Variants in LRRC3B observed in about 807,000 individuals in gnomAD.
LRRC3B encodes the protein leucine-rich repeat-containing protein 3B.
A neutral mutation model predicts 12.8 loss-of-function variants in LRRC3B; 2 were observed. The observed-to-expected ratio is 0.16, with a 90% CI of 0.06 to 0.49. LRRC3B has a LOEUF of 0.49. LRRC3B is among the 20% of genes least tolerant of loss of function. The pLI is 0.96. For synonymous variants in LRRC3B, 132 were observed against 122.0 expected (o/e 1.08, Z -0.54); for missense variants, 189 against 319.4 (o/e 0.59, Z 3.11).
At chr3:26,659,839 G>A (rs1297070511) in intron 1 of LRRC3B, among the ~76,000 whole-genome samples, 1 of 152,182 alleles carries the variant, frequency 6.6e-6, no homozygotes, top group African/African-American at 2.4e-5. Context: ...TCTCTGAAGT[G>A]TTAGCCCATC....
At chr3:26,651,564 T>A (rs142036106) in intron 1 of LRRC3B, among the ~76,000 whole-genome samples, 1 of 152,314 alleles carries the variant, frequency 6.6e-6, no homozygotes, top group Non-Finnish European at 1.5e-5. Flanking sequence ...TGAGACAATC[T>A]GGCATAAAGT....
chr3:26,623,299 T>G (rs1293466953), intron 1 of LRRC3B, 62 bp downstream of exon 1: 2 of 152,386 alleles, frequency 1.3e-5, no homozygotes, highest in Non-Finnish European at 2.9e-5. Context: ...CCCGGGTACC[T>G]AGGCCGTCCC....
rs9331540 is a variant in LRRC3B, at chr3:26,671,413, G to GAGAGAGAGAGAC, written c.-160-38099_-160-38098insGAGAGAGAGACA. Among the ~76,000 whole-genome samples the GAGAGAGAGAGAC allele has an allele frequency of 8.2e-3, 816 of 99,172 alleles. 81 individuals are homozygous for GAGAGAGAGAGAC. Among genetic ancestry groups the GAGAGAGAGAGAC allele is most frequent in the South Asian group, 0.011 (32 of 3,030 alleles). The allele number at this position is 99,172 out of a possible 152,430, so 65.1% of individuals were successfully genotyped here. A position where few individuals can be genotyped will look rare whatever the true frequency, so the allele number is the denominator to read the frequency against. On this transcript the variant is annotated intron_variant, in intron 1 of 1. Coordinates refer to ENST00000396641, the Ensembl canonical transcript of LRRC3B. ...AGAGAGAGAGAGAGAGAGAGAGAGA[G>GAGAGAGAGAGAC]ACGAAGTCTTGCTCTGTCGCCAGGC...
intron 1 of LRRC3B, among the ~76,000 whole-genome samples, chr3:26,651,019 T>C (rs1383541972): frequency 2.0e-5 from 3 of 152,236 alleles, no homozygotes; most frequent in Non-Finnish European, 4.4e-5. Context: ...TCCACACTTG[T>C]GGTGTTTATA....
chr3:26,685,512 T>TCC (rs1700061684), intron 1 of LRRC3B, among the ~76,000 whole-genome samples: 1 of 52,418 alleles, frequency 1.9e-5, no homozygotes, highest in Non-Finnish European at 3.7e-5. Flanking sequence ...TCTCTCTCTC[T>TCC]CTCTCTCTCT....
intron 1 of LRRC3B, among the ~76,000 whole-genome samples, chr3:26,637,737 A>G (rs1575116154): frequency 6.6e-6 from 1 of 152,126 alleles, no homozygotes; most frequent in African/African-American, 2.4e-5. Flanking sequence ...TTTAAATTTA[A>G]AAAAGTACAT....
chr3:26,668,615 G>A (rs1026759396), intron 1 of LRRC3B, among the ~76,000 whole-genome samples: 1 of 152,152 alleles, frequency 6.6e-6, no homozygotes, highest in African/African-American at 2.4e-5. Context: ...GACTGCTAAA[G>A]CCTTTTTAAT....
At chr3:26,678,892 TA>T (rs201287514) in intron 1 of LRRC3B, among the ~76,000 whole-genome samples, 33 of 151,496 alleles carry the variant, frequency 2.2e-4, no homozygotes, top group South Asian at 1.0e-3. Flanking sequence ...CTTTCTCATT[TA>T]AAAAAAAAGT....
intron 1 of LRRC3B, among the ~76,000 whole-genome samples, chr3:26,686,432 C>T (rs1309850121): frequency 6.6e-6 from 1 of 152,146 alleles, no homozygotes; most frequent in Non-Finnish European, 1.5e-5. Flanking sequence ...TTCAACACTG[C>T]TTCTTTATAT....
intron 1 of LRRC3B, among the ~76,000 whole-genome samples, chr3:26,639,858 T>TC (rs553916057): frequency 1.1e-4 from 16 of 152,254 alleles, no homozygotes; most frequent in Non-Finnish European, 1.6e-4. Context: ...GTGTGACCCT[T>TC]CCCAAAGGCC....
In LRRC3B at chr3:26,680,649, T is replaced by C. The variant is rs138501204; in HGVS notation, c.-160-28864T>C. On this transcript the variant is annotated intron_variant, in intron 1 of 1. Coordinates refer to ENST00000396641, the Ensembl canonical transcript of LRRC3B. ...GTATTGTCCAAACAAACAATTGACT[T>C]CCCATATCTTCACACAGAATATCAT... 3.9e-4 allele frequency among the ~76,000 whole-genome samples: 59 copies of C among 152,310 alleles called. No homozygotes were observed. The East Asian group carries it at 9.7e-3, about 25-fold the overall frequency.
intron 1 of LRRC3B, among the ~76,000 whole-genome samples, chr3:26,641,235 C>A (rs1431846294): frequency 6.6e-6 from 1 of 152,094 alleles, no homozygotes; most frequent in Non-Finnish European, 1.5e-5. Flanking sequence ...GACCTGTGCC[C>A]CAGTAGCATA....
intron 1 of LRRC3B, among the ~76,000 whole-genome samples, chr3:26,643,526 C>A (rs924079105): frequency 4.6e-5 from 7 of 152,080 alleles, no homozygotes; most frequent in African/African-American, 1.7e-4. Flanking sequence ...GCTGTGTGAT[C>A]TTGGACAACT....
At chr3:26,631,616 TTTTG>T (rs1180225403) in intron 1 of LRRC3B, among the ~76,000 whole-genome samples, 1 of 137,708 alleles carries the variant, frequency 7.3e-6, no homozygotes, top group Non-Finnish European at 1.5e-5. Flanking sequence ...ATTAGCATGT[TTTTG>T]TTTGTTCTAT....
chr3:26,676,883 C>T (rs1242751484), intron 1 of LRRC3B, among the ~76,000 whole-genome samples: 1 of 152,200 alleles, frequency 6.6e-6, no homozygotes, highest in Non-Finnish European at 1.5e-5. Context: ...GAACACTGAT[C>T]TGGCAGTGTG....
intron 1 of LRRC3B, among the ~76,000 whole-genome samples, chr3:26,651,318 A>G (rs1197437627): frequency 6.6e-6 from 1 of 152,202 alleles, no homozygotes; most frequent in Non-Finnish European, 1.5e-5. Context: ...GACCACCTGT[A>G]TAAAATATGT....
At chr3:26,644,863 A>G (rs979279392) in intron 1 of LRRC3B, among the ~76,000 whole-genome samples, 8 of 152,182 alleles carry the variant, frequency 5.3e-5, no homozygotes, top group African/African-American at 1.9e-4. Flanking sequence ...CAAATGGTTC[A>G]GCCAAAATAC....
intron 1 of LRRC3B, 80 bp from the exon 2 acceptor site, chr3:26,709,433 C>G (rs1228727140): frequency 1.9e-6 from 1 of 530,082 alleles, no homozygotes; most frequent in Admixed American, 3.3e-5. Flanking sequence ...AGCAGAATGC[C>G]AGACACCTGA....
intron 1 of LRRC3B, among the ~76,000 whole-genome samples, chr3:26,630,966 G>T (rs551271526): frequency 6.6e-6 from 1 of 152,310 alleles, no homozygotes; most frequent in East Asian, 1.9e-4. Context: ...TTCTAGCTGT[G>T]TTAGCACTTT....
Sources: gnomAD v4.1 joint callset for allele counts (sites outside exome capture counted in the v4.1 genomes callset) on GRCh38, gnomAD v4.1.1 for gene constraint, MANE v1.5 for transcripts, NCBI Gene and HGNC (gene_info 2026-07-23, HGNC 2026-07-21) for gene names.